The following CAMKK2 variants were observed in gnomAD, a reference collection of about 807,000 sequenced individuals.
CAMKK2 encodes the protein calcium/calmodulin-dependent protein kinase kinase 2.
A neutral mutation model predicts 67.2 loss-of-function variants in CAMKK2; 30 were observed. The ratio of observed to expected loss-of-function variants is 0.45; its 90% CI spans 0.33 to 0.61. The LOEUF (loss-of-function observed/expected upper bound fraction) is 0.61, where lower values mean the gene tolerates loss of function less well. Ranked by LOEUF, CAMKK2 falls within the 20% of genes least tolerant of loss-of-function variation. The probability of loss-of-function intolerance (pLI) is 0.02; values close to 1 mark genes in which losing one functional copy is unlikely to be tolerated. For synonymous variants in CAMKK2, 322 were observed against 326.2 expected (o/e 0.99, Z 0.14); for missense variants, 643 against 802.0 (o/e 0.80, Z 2.39).
chr12:121,280,753 C>A (rs960010383), intron 1 of CAMKK2, among the ~76,000 whole-genome samples: 1 of 152,146 alleles, frequency 6.6e-6, no homozygotes, highest in African/African-American at 2.4e-5. Flanking sequence ...TCTCCCATAG[C>A]GCTCCCAGGC....
At chr12:121,271,343 C>T (rs1895727254) in intron 2 of CAMKK2, among the ~76,000 whole-genome samples, 2 of 150,978 alleles carry the variant, frequency 1.3e-5, no homozygotes, top group Admixed American at 6.6e-5. Flanking sequence ...GTAACCAGAA[C>T]CCAAATCAAG....
intron 2 of CAMKK2, 34 bp from the exon 3 acceptor site, chr12:121,270,979 T>C (rs977305940): frequency 1.3e-6 from 2 of 1,598,208 alleles, no homozygotes; most frequent in Non-Finnish European, 1.7e-6. Context: ...GCAAAATGAA[T>C]TTTAAGTTTG....
At chr12:121,290,885 C>T (rs934803131) in intron 1 of CAMKK2, among the ~76,000 whole-genome samples, 8 of 152,146 alleles carry the variant, frequency 5.3e-5, no homozygotes, top group African/African-American at 1.9e-4. Context: ...GTCACACTGA[C>T]CTCGGCTCAC....
At chr12:121,279,984 A>ACCTG (rs1403397318) in intron 1 of CAMKK2, among the ~76,000 whole-genome samples, 2 of 152,220 alleles carry the variant, frequency 1.3e-5, no homozygotes, top group Non-Finnish European at 2.9e-5. Context: ...GCCCGGACAC[A>ACCTG]CCTGTGCAGG....
At chr12:121,272,867 T>G (rs978918092) in intron 2 of CAMKK2, among the ~76,000 whole-genome samples, 1 of 152,096 alleles carries the variant, frequency 6.6e-6, no homozygotes, top group African/African-American at 2.4e-5. Context: ...AGCAACCCTC[T>G]GTCTCAACAA....
At chr12:121,259,769 T>G (rs1187173510) in intron 7 of CAMKK2, among the ~76,000 whole-genome samples, 2 of 152,202 alleles carry the variant, frequency 1.3e-5, no homozygotes, top group African/African-American at 4.8e-5. Flanking sequence ...AAAATTGTTT[T>G]TCTACCTTTT....
At chr12:121,247,667 A>G (rs1243033007) in intron 14 of CAMKK2, among the ~76,000 whole-genome samples, 2 of 151,872 alleles carry the variant, frequency 1.3e-5, no homozygotes, top group Non-Finnish European at 2.9e-5. Flanking sequence ...ATGTGGATGG[A>G]TGCCCCAGCC....
At position 121,240,667 on chromosome 12, in the gene CAMKK2, G is replaced by A. The variant is rs755249627; in HGVS notation, c.*32C>T. The stretch of plus-strand genomic sequence containing the variant: ...TGCAGCAGCCCCCCAGAGGCGACGC[G>A]GCGCGCATGCGAGGTCGAGCGATCC... On this transcript the variant is annotated 3_prime_UTR_variant, in exon 17 of 17. Transcript: ENST00000404169. This position sits in a 1 kb window ranked among gnomAD's most constrained non-coding sequence, Gnocchi z 4.4. 11 of 1,560,876 alleles carry A rather than the reference G, an allele frequency of 7.0e-6. No individual in the cohort carries two copies. The highest frequency in any genetic ancestry group is 1.9e-5 in the Admixed American group (1 of 52,162).
chr12:121,288,157 C>T (rs1181589799), intron 1 of CAMKK2, among the ~76,000 whole-genome samples: 2 of 152,140 alleles, frequency 1.3e-5, no homozygotes, highest in Non-Finnish European at 2.9e-5. Flanking sequence ...CACTGCATCC[C>T]TCTCAATCTT....
chr12:121,268,341 G>GT (rs2136377714), intron 5 of CAMKK2, among the ~76,000 whole-genome samples: 2 of 151,966 alleles, frequency 1.3e-5, no homozygotes, highest in East Asian at 3.9e-4. Flanking sequence ...AATTGCCAGT[G>GT]TTTTCCTCTA....
rs759588177 is a variant in CAMKK2, at chr12:121,274,277, C to G, written c.250G>C (p.Asp84His). Residue 84 changes from aspartate (D) to histidine (H), a missense_variant, in exon 2 of 17, where the codon GAC becomes CAC. By Grantham distance (81) the Asp-to-His change is moderately conservative. This residue lies in a region of CAMKK2 where 483 missense variants were observed against 625.8 expected (regional missense o/e 0.77). Transcript: ENST00000404169. The stretch of plus-strand genomic sequence containing the variant: ...GGCCGGGCCTGGGACCCGGAGGTGT[C>G]AAGGGGGACCTCTTGGCCATCGGCC... Reference protein sequence around the residue: ...LEADGQEVPLDTSGSQARPHL... With the variant: ...LEADGQEVPLHTSGSQARPHL... 1 of 1,612,144 alleles carries G rather than the reference C, an allele frequency of 6.2e-7. No individual in the cohort carries two copies. The highest frequency in any genetic ancestry group is 8.5e-7 in the Non-Finnish European group (1 of 1,179,072).
intron 1 of CAMKK2, among the ~76,000 whole-genome samples, chr12:121,284,402 G>A (rs903231167): frequency 3.3e-5 from 5 of 151,800 alleles, no homozygotes; most frequent in East Asian, 1.9e-4. Context: ...TCGGCTCAGC[G>A]CAACCTCTGC....
At chr12:121,259,155 A>G (rs1366062248) in intron 7 of CAMKK2, among the ~76,000 whole-genome samples, 1 of 152,096 alleles carries the variant, frequency 6.6e-6, no homozygotes, top group Non-Finnish European at 1.5e-5. Flanking sequence ...GTTCTTTACA[A>G]TGTTGTAAAA....
At chr12:121,261,480 CCT>C (rs1593362413) in intron 6 of CAMKK2, among the ~76,000 whole-genome samples, 1 of 152,166 alleles carries the variant, frequency 6.6e-6, no homozygotes, top group East Asian at 1.9e-4. Context: ...GACTAGTCCC[CCT>C]GATTCTTCCC....
At position 121,267,745 on chromosome 12, in the gene CAMKK2, C is replaced by T. The variant is rs998704759; in HGVS notation, c.625+893G>A. On this transcript the variant is annotated intron_variant, in intron 5 of 16. Coordinates refer to ENST00000404169, the MANE Select transcript of CAMKK2 (RefSeq NM_001270485.2). ...CTGACCTCAAGTGATCCACTCGCCT[C>T]GGCCTCCCAGAGTGCTGGGATTACA... Among the ~76,000 whole-genome samples the T allele has an allele frequency of 4.6e-5, 7 of 151,474 alleles. No individual in the cohort carries two copies. In the East Asian group the frequency reaches 1.4e-3, roughly 30 times the overall value.
chr12:121,248,282 C>T (rs1277389589), intron 14 of CAMKK2, among the ~76,000 whole-genome samples: 2 of 152,204 alleles, frequency 1.3e-5, no homozygotes, highest in Non-Finnish European at 2.9e-5. Context: ...AGGCGGGAAT[C>T]CTGGCTTAGA....
At chr12:121,269,498 G>C (rs1169953356) in intron 4 of CAMKK2, 30 bp downstream of exon 4, 6 of 1,556,736 alleles carry the variant, frequency 3.9e-6, no homozygotes, top group Non-Finnish European at 5.3e-6. Context: ...GGATAAGGAT[G>C]GGGGCAGGGA....
At chr12:121,272,089 C>T (rs1032201389) in intron 2 of CAMKK2, among the ~76,000 whole-genome samples, 3 of 152,324 alleles carry the variant, frequency 2.0e-5, no homozygotes, top group African/African-American at 4.8e-5. Context: ...GATCCTCCCG[C>T]CTCAGTCTCC....
intron 4 of CAMKK2, 83 bp from the exon 5 acceptor site, chr12:121,268,772 T>G: frequency 2.9e-4 from 392 of 1,340,158 alleles, no homozygotes; most frequent in Non-Finnish European, 3.8e-4. Context: ...GCAGTCGGGG[T>G]TCCTCTACTC....
Sources: gnomAD v4.1 joint callset for allele counts (sites outside exome capture counted in the v4.1 genomes callset) on GRCh38, gnomAD v4.1.1 for gene constraint, gnomAD v4.1.1 regional missense constraint, Gnocchi (gnomAD v3.1) non-coding constraint, MANE v1.5 for transcripts, NCBI Gene and HGNC (gene_info 2026-07-23, HGNC 2026-07-21) for gene names.